The following AFDN variants were observed in gnomAD, a reference collection of about 807,000 sequenced individuals.
The protein encoded by AFDN is afadin, adherens junction formation factor, also known as afadin.
AFDN carries 68 observed loss-of-function variants against 216.6 expected under a neutral mutation model. The ratio of observed to expected loss-of-function variants is 0.31; its 90% CI spans 0.26 to 0.38. The LOEUF (loss-of-function observed/expected upper bound fraction) is 0.38. Among genes scored for constraint, AFDN ranks in the 10% least tolerant of loss-of-function variants. The pLI is 1.00. For missense variants in AFDN, 2,136 were observed against 2,342.0 expected (o/e 0.91, Z 1.82); for synonymous variants, 868 against 853.7 (o/e 1.02, Z -0.29).
chr6:167,876,009 G>A (rs931460388), intron 5 of AFDN, among the ~76,000 whole-genome samples: 3 of 152,066 alleles, frequency 2.0e-5, no homozygotes, highest in Non-Finnish European at 4.4e-5. Flanking sequence ...CAAATAACTA[G>A]TCATTGTTTA....
chr6:167,950,097 A>G (rs1003645400), intron 29 of AFDN, among the ~76,000 whole-genome samples: 1 of 152,020 alleles, frequency 6.6e-6, no homozygotes, highest in Non-Finnish European at 1.5e-5. Context: ...CAGTAATGAG[A>G]CTCTGTGTAC....
intron 1 of AFDN, among the ~76,000 whole-genome samples, chr6:167,830,867 A>T (rs1779746666): frequency 6.6e-6 from 1 of 151,458 alleles, no homozygotes; most frequent in Admixed American, 6.6e-5. Flanking sequence ...TTATAGCTAC[A>T]TCTATATTCC....
chr6:167,826,921 C>T lies in AFDN; in HGVS notation c.-212C>T, dbSNP rs1274171874. The T allele has an allele frequency of 6.9e-6, 1 of 145,218 alleles. No homozygotes were observed. The highest frequency in any genetic ancestry group is 2.5e-5 in the African/African-American group (1 of 40,356). The allele number at this position is 145,218 out of a possible 1,614,324, so 9.0% of individuals were successfully genotyped here. On this transcript the variant is annotated 5_prime_UTR_variant, in exon 1 of 34. Transcript: ENST00000683244. ...CGGCGGGCGCCGGGCGCACACCGGC[C>T]GGCGGGGCTGAGGCGGCGCGGCGCG... is the stretch of plus-strand genomic sequence containing the variant.
chr6:167,969,163 C>T lies in AFDN; in HGVS notation c.5307C>T (p.Asp1769=), dbSNP rs376394053. The T allele has an allele frequency of 4.0e-4, 643 of 1,613,810 alleles. 1 individual carries two copies. The highest frequency in any genetic ancestry group is 5.0e-4 in the Non-Finnish European group (589 of 1,179,856). The change falls in exon 33 of 34, where the codon GAC becomes GAT. Residue 1769 remains aspartate (D), a synonymous_variant. Transcript: ENST00000683244. ...GSTGAAVGAH[D]ACRDAKEKRS... ...CTGGAGCAGCTGTTGGAGCCCATGA[C>T]GCCTGTCGGGATGCAAAAGAGAAGC...
chr6:167,969,004 A>C, intron 32 of AFDN, 110 bp from the exon 33 acceptor site: 1 of 830,854 alleles, frequency 1.2e-6, no homozygotes. Context: ...TTACCTTCCT[A>C]CTTACTCAGT....
chr6:167,931,925 G>A (rs1014267392), intron 23 of AFDN, among the ~76,000 whole-genome samples: 2 of 152,114 alleles, frequency 1.3e-5, no homozygotes, highest in Admixed American at 6.5e-5. Flanking sequence ...CTTGGAGCAC[G>A]GAGCCCATGG....
chr6:167,890,831 T>TA, intron 7 of AFDN, 31 bp from the exon 8 acceptor site: 1 of 1,606,080 alleles, frequency 6.2e-7, no homozygotes, highest in Non-Finnish European at 8.5e-7. Context: ...AACCTGAGTC[T>TA]GCCTGATGAT....
chr6:167,835,574 A>G (rs1780335893), intron 1 of AFDN, among the ~76,000 whole-genome samples: 1 of 152,224 alleles, frequency 6.6e-6, no homozygotes, highest in Non-Finnish European at 1.5e-5. Flanking sequence ...CTGTTGTACC[A>G]AAGACATTCT....
intron 12 of AFDN, among the ~76,000 whole-genome samples, chr6:167,905,020 C>T (rs1583349307): frequency 6.6e-6 from 1 of 152,062 alleles, no homozygotes; most frequent in South Asian, 2.1e-4. Context: ...ATCCTGTGCC[C>T]GTGCCTGCCT....
At chr6:167,952,412 A>G (rs1796098099) in intron 30 of AFDN, 1 of 1,406,584 alleles carries the variant, frequency 7.1e-7, no homozygotes, top group Non-Finnish European at 9.2e-7. Flanking sequence ...ATTAAATACA[A>G]TTCAAATGGA....
At chr6:167,878,483 T>A (rs978066553) in intron 5 of AFDN, among the ~76,000 whole-genome samples, 1 of 152,166 alleles carries the variant, frequency 6.6e-6, no homozygotes, top group Non-Finnish European at 1.5e-5. Context: ...AGCCAGGATC[T>A]TCTTTGGAAA....
Position 167,965,993 on chromosome 6 carries a change from C to T in AFDN, c.5205C>T (p.Ala1735=). The T allele has an allele frequency of 6.4e-7, 1 of 1,550,894 alleles. No individual in the cohort carries two copies. The highest frequency in any genetic ancestry group is 8.7e-7 in the Non-Finnish European group (1 of 1,147,000). ...QVLSPDSLFT[A]KFVAYNEEEE... is the part of the protein sequence containing the mutation. The stretch of plus-strand genomic sequence containing the variant: ...TCTCCCCCGACTCGCTGTTCACTGC[C>T]AAGTTTGTTGCATACAATGAGGAGG... The change falls in exon 32 of 34, where the codon GCC becomes GCT. Residue 1735 remains alanine, a synonymous_variant. Coordinates refer to ENST00000683244, the MANE Select transcript of AFDN (RefSeq NM_001386888.1).
intron 1 of AFDN, among the ~76,000 whole-genome samples, chr6:167,839,980 C>T (rs868262412): frequency 4.6e-5 from 7 of 152,228 alleles, no homozygotes; most frequent in Middle Eastern, 3.4e-3. Context: ...AGTGGTGCCG[C>T]GCTGAGCAAG....
At chr6:167,902,078 G>A (rs1025410471) in intron 11 of AFDN, among the ~76,000 whole-genome samples, 3 of 136,076 alleles carry the variant, frequency 2.2e-5, no homozygotes, top group African/African-American at 8.1e-5. Flanking sequence ...GGGCAACAGA[G>A]TGAGACTTCA....
intron 21 of AFDN, among the ~76,000 whole-genome samples, chr6:167,922,155 A>G (rs572436408): frequency 1.3e-5 from 2 of 152,366 alleles, no homozygotes; most frequent in African/African-American, 4.8e-5. Flanking sequence ...GAGTTGGTCA[A>G]AAACATTGCT....
intron 29 of AFDN, among the ~76,000 whole-genome samples, chr6:167,948,835 C>G (rs1006092393): frequency 2.0e-5 from 3 of 152,194 alleles, no homozygotes; most frequent in Non-Finnish European, 4.4e-5. Flanking sequence ...GGAAATGAGA[C>G]AGACACAACA....
rs1233436207 is a variant in AFDN, at chr6:167,962,841, A to AAAGGG, written c.4968+275_4968+279dup. ...CGTGTGTAGCAGTGAGCCTCTTTGC[A>AAAGGG]AAGGGTTCGTTTCCTCGGGCACTCA... On this transcript the variant is annotated intron_variant, in intron 31 of 33. Coordinates refer to ENST00000683244, the MANE Select transcript of AFDN (RefSeq NM_001386888.1). This position sits in a 1 kb window ranked among gnomAD's most constrained non-coding sequence, Gnocchi z 5.2. 4 of 1,270,512 alleles carry AAAGGG rather than the reference A, an allele frequency of 3.1e-6. No individual in the cohort carries two copies. In the African/African-American group the frequency reaches 5.9e-5, roughly 19 times the overall value. 78.7% of individuals were successfully genotyped at this position (1,270,512 alleles called of 1,614,324 possible).
At chr6:167,891,408 G>GTGTGTGTGT (rs1562619712) in intron 8 of AFDN, among the ~76,000 whole-genome samples, 3,097 of 71,944 alleles carry the variant, frequency 0.043, 58 homozygotes, top group Non-Finnish European at 0.055. Context: ...TAAAGGGGTG[G>GTGTGTGTGT]GTGTGTGTGT....
Position 167,839,008 on chromosome 6 carries a change from G to A in AFDN, c.105+11771G>A, listed in dbSNP as rs148301970. 1.1e-3 allele frequency among the ~76,000 whole-genome samples: 168 copies of A among 152,078 alleles called. 2 individuals are homozygous for A. The highest frequency in any genetic ancestry group is 4.0e-3 in the African/African-American group (167 of 41,462). On this transcript the variant is annotated intron_variant, in intron 1 of 33. Transcript: ENST00000683244. The stretch of plus-strand genomic sequence containing the variant: ...ATGTAGCGTTTGCCTTTAGATTCTT[G>A]TGGCCAATATTCTTGCATAAAATAT...
Sources: allele counts gnomAD v4.1 joint callset (sites outside exome capture counted in the v4.1 genomes callset), GRCh38; gene constraint gnomAD v4.1.1; non-coding constraint Gnocchi (gnomAD v3.1); transcripts MANE v1.5; gene names NCBI Gene and HGNC (gene_info 2026-07-23, HGNC 2026-07-21).